The following PI4KA variants were observed in gnomAD, a reference collection of about 807,000 sequenced individuals.
PI4KA encodes the protein PI4-kinase alpha.
PI4KA carries 122 observed loss-of-function variants against 271.4 expected under a neutral mutation model. The ratio of observed to expected loss-of-function variants is 0.45; its 90% CI spans 0.39 to 0.52. The LOEUF is 0.52. Among genes scored for constraint, PI4KA ranks in the 20% least tolerant of loss-of-function variants. The pLI is 0.00. For synonymous variants in PI4KA, 1,041 were observed against 1,078.8 expected (o/e 0.96, Z 0.69); for missense variants, 1,969 against 2,769.1 (o/e 0.71, Z 6.48).
At chr22:20,814,566 A>G (rs1026319824) in intron 7 of PI4KA, among the ~76,000 whole-genome samples, 12 of 152,030 alleles carry the variant, frequency 7.9e-5, no homozygotes, top group Admixed American at 2.0e-4. Context: ...CCTGGGCAAT[A>G]TAGGGAGATC....
chr22:20,710,216 C>T (rs1314404667), intron 52 of PI4KA: 4 of 614,846 alleles, frequency 6.5e-6, no homozygotes, highest in Non-Finnish European at 3.0e-6. Context: ...TCTGGACAGG[C>T]TGAGTGTCCT....
Position 20,795,604 on chromosome 22 carries a change from C to T in PI4KA, c.2277+542G>A, listed in dbSNP as rs371881337. Among the ~76,000 whole-genome samples the T allele has an allele frequency of 1.2e-4, 18 of 152,240 alleles. No individual in the cohort carries two copies. The South Asian group carries it at 2.9e-3, about 25-fold the overall frequency. On this transcript the variant is annotated intron_variant, in intron 18 of 54. Coordinates refer to ENST00000255882, the MANE Select transcript of PI4KA (RefSeq NM_058004.4). ...AAGGGTTATTCCTAACATGGTAGAG[C>T]GACTAGTGCCCACGTGACATGCTAC...
intron 19 of PI4KA, among the ~76,000 whole-genome samples, chr22:20,785,762 C>G (rs573449205): frequency 6.6e-6 from 1 of 152,012 alleles, no homozygotes; most frequent in African/African-American, 2.4e-5. Context: ...AGATAGGAAA[C>G]GAACCATACA....
chr22:20,733,763 A>G lies in PI4KA; in HGVS notation c.4133T>C (p.Ile1378Thr), dbSNP rs770688255. 1 of 1,613,582 alleles carries G rather than the reference A, an allele frequency of 6.2e-7. No individual in the cohort carries two copies. The highest frequency in any genetic ancestry group is 8.5e-7 in the Non-Finnish European group (1 of 1,179,832). The part of the protein sequence containing the change: ...ATIRNVLREK[I>T]YSTAFDYFSC... ...GAAGTAGTCAAAGGCAGTGGAGTAG[A>G]TCTTCTCGCGAAGCACATTGCGGAT... Residue 1378 changes from isoleucine to threonine, a missense_variant, in exon 35 of 55, where the codon ATC becomes ACC. Transcript: ENST00000255882.
chr22:20,798,112 C>A (rs1935089244), intron 17 of PI4KA, among the ~76,000 whole-genome samples: 1 of 152,170 alleles, frequency 6.6e-6, no homozygotes, highest in African/African-American at 2.4e-5. Context: ...GAATCTAACC[C>A]ACAGAAAGCA....
intron 36 of PI4KA, among the ~76,000 whole-genome samples, chr22:20,731,499 G>A (rs1424926128): frequency 2.7e-5 from 4 of 150,480 alleles, no homozygotes; most frequent in South Asian, 2.1e-4. Context: ...TGAGGCGGGC[G>A]GATCAGAAGG....
At chr22:20,760,736 T>G (rs1399146128) in intron 23 of PI4KA, among the ~76,000 whole-genome samples, 1 of 152,198 alleles carries the variant, frequency 6.6e-6, no homozygotes, top group Non-Finnish European at 1.5e-5. Context: ...TTTTTATGCC[T>G]TCCTACAGTT....
chr22:20,789,549 C>T (rs191253765), intron 19 of PI4KA, among the ~76,000 whole-genome samples: 4 of 152,278 alleles, frequency 2.6e-5, no homozygotes, highest in East Asian at 3.9e-4. Flanking sequence ...AGGCTGGTCT[C>T]GAACTCCTGA....
Position 20,819,844 on chromosome 22 carries a change from G to A in PI4KA, c.586C>T (p.Arg196Cys), listed in dbSNP as rs747885706. 2.6e-5 allele frequency: 42 copies of A among 1,613,446 alleles called. No individual in the cohort carries two copies. Among genetic ancestry groups the A allele is most frequent in the Middle Eastern group, 1.6e-4 (1 of 6,080 alleles). The change falls in exon 6 of 55, where the codon CGT (arginine) becomes TGT (cysteine). Residue 196 changes from arginine to cysteine, a missense_variant. By Grantham distance (180) the Arg-to-Cys change is radical. Transcript: ENST00000255882. The stretch of plus-strand genomic sequence containing the variant: ...AGAGACTCTTCCATGTTGCTGTAAC[G>A]CCCAAATGCTCGCGAGATTCCTATC... ...CLIGISRAFG[R>C]YSNMEESLLS...
chr22:20,819,952 C>T (rs777600943), intron 5 of PI4KA, 52 bp from the exon 6 acceptor site: 4 of 1,478,106 alleles, frequency 2.7e-6, no homozygotes, highest in Middle Eastern at 1.8e-4. Context: ...CTGATAGAGT[C>T]ATATAGTAAG....
Position 20,807,466 on chromosome 22 carries a change from G to C in PI4KA, c.1072-8C>G. 1 of 1,549,074 alleles carries C rather than the reference G, an allele frequency of 6.5e-7. No individual in the cohort carries two copies. Among genetic ancestry groups the C allele is most frequent in the Non-Finnish European group, 8.9e-7 (1 of 1,121,020 alleles). On this transcript the variant is annotated splice_polypyrimidine_tract_variant and splice_region_variant and intron_variant, in intron 9 of 54. Transcript: ENST00000255882. ...ATCAGCACTGGGGTTGGCCTGCAGG[G>C]AAGGCAGACACACATGACTATAGAA...
intron 3 of PI4KA, among the ~76,000 whole-genome samples, chr22:20,827,344 TG>T: frequency 6.6e-6 from 1 of 152,190 alleles, no homozygotes. Flanking sequence ...TTGACTCTGT[TG>T]AAGATCAGAT....
At chr22:20,713,506 C>G (rs1925597179) in intron 47 of PI4KA, 116 bp from the exon 48 acceptor site, 2 of 813,768 alleles carry the variant, frequency 2.5e-6, no homozygotes, top group African/African-American at 1.7e-5. Flanking sequence ...TTGGGGATCA[C>G]TTCTTCAAAA....
intron 19 of PI4KA, among the ~76,000 whole-genome samples, chr22:20,780,642 G>A (rs907099290): frequency 6.6e-6 from 1 of 151,964 alleles, no homozygotes; most frequent in African/African-American, 2.4e-5. Context: ...TGGGCCTGGC[G>A]GTGGGTGCCT....
At chr22:20,819,190 G>T (rs558161810) in intron 6 of PI4KA, among the ~76,000 whole-genome samples, 48 of 152,210 alleles carry the variant, frequency 3.2e-4, no homozygotes, top group African/African-American at 1.1e-3. Flanking sequence ...CAGTTTAAAT[G>T]AATTTTTTTT....
In PI4KA at chr22:20,714,411, A is replaced by C; in HGVS notation, c.5461+47T>G. 4 of 1,547,470 alleles carry C rather than the reference A, an allele frequency of 2.6e-6. No individual in the cohort carries two copies. In the South Asian group the frequency reaches 4.8e-5, roughly 19 times the overall value. ...CATGCCAGAAGAAACTGGCATTAGC[A>C]AGGAAAAGCACTGAGCTCCCAAACA... On this transcript the variant is annotated intron_variant, in intron 47 of 54. Transcript: ENST00000255882.
At chr22:20,800,244 G>T (rs957140440) in intron 14 of PI4KA, among the ~76,000 whole-genome samples, 2 of 152,164 alleles carry the variant, frequency 1.3e-5, no homozygotes, top group Admixed American at 6.5e-5. Flanking sequence ...TTGGCTCCTG[G>T]GCCAGAGTTT....
At chr22:20,853,339 C>T (rs754927655) in intron 1 of PI4KA, among the ~76,000 whole-genome samples, 2 of 152,016 alleles carry the variant, frequency 1.3e-5, no homozygotes, top group Non-Finnish European at 2.9e-5. Flanking sequence ...ACTTCCCTGA[C>T]AAAGGAAGAT....
At chr22:20,845,539 G>A (rs1023804001) in intron 1 of PI4KA, among the ~76,000 whole-genome samples, 1 of 152,138 alleles carries the variant, frequency 6.6e-6, no homozygotes, top group Non-Finnish European at 1.5e-5. Flanking sequence ...TTTCTCAAAT[G>A]TACCATCCCC....
Sources: gnomAD v4.1 joint callset for allele counts (sites outside exome capture counted in the v4.1 genomes callset) on GRCh38, gnomAD v4.1.1 for gene constraint, MANE v1.5 for transcripts, NCBI Gene and HGNC (gene_info 2026-07-23, HGNC 2026-07-21) for gene names.